KLHL32: variants seen among roughly 807,000 people sequenced by gnomAD.
The protein encoded by KLHL32 is kelch-like protein 32.
In KLHL32, 35 loss-of-function variants were observed where a neutral mutation model predicts 64.8. The observed-to-expected ratio is 0.54, with a 90% CI of 0.41 to 0.72. The LOEUF (loss-of-function observed/expected upper bound fraction) is 0.72, where lower values mean the gene tolerates loss of function less well. Ranked by LOEUF, KLHL32 falls within the 30% of genes least tolerant of loss-of-function variation. The pLI, the probability that KLHL32 is intolerant of heterozygous loss-of-function variation, is 0.00. For missense variants in KLHL32, 589 were observed against 768.5 expected (o/e 0.77, Z 2.76); for synonymous variants, 259 against 281.0 (o/e 0.92, Z 0.78).
At chr6:97,126,152 T>C (rs1439458301) in intron 7 of KLHL32, among the ~76,000 whole-genome samples, 1 of 152,156 alleles carries the variant, frequency 6.6e-6, no homozygotes, top group Non-Finnish European at 1.5e-5. Context: ...TAATTTTATA[T>C]CTTTATTGAA....
intron 6 of KLHL32, among the ~76,000 whole-genome samples, chr6:97,098,017 G>T (rs904102420): frequency 6.6e-6 from 1 of 152,202 alleles, no homozygotes; most frequent in Non-Finnish European, 1.5e-5. Flanking sequence ...CAAACATAGG[G>T]GAGGGGTTGA....
chr6:96,945,480 A>G (rs1156408727), intron 1 of KLHL32, among the ~76,000 whole-genome samples: 1 of 152,232 alleles, frequency 6.6e-6, no homozygotes, highest in African/African-American at 2.4e-5. Flanking sequence ...CGTCAGAGCA[A>G]AAGTTTAATT....
At chr6:96,919,469 ATG>A in the KLHL32 span, among the ~76,000 whole-genome samples, 2 of 152,192 alleles carry the variant, frequency 1.3e-5, no homozygotes. Context: ...ATGTATTCAT[ATG>A]TGTTTCATTT....
At chr6:97,111,329 C>T (rs1180701279) in intron 6 of KLHL32, among the ~76,000 whole-genome samples, 2 of 152,222 alleles carry the variant, frequency 1.3e-5, no homozygotes, top group African/African-American at 4.8e-5. Flanking sequence ...TCTGATGTAT[C>T]CTAGGCAGGC....
At chr6:97,045,127 A>G (rs2128131014) in intron 4 of KLHL32, among the ~76,000 whole-genome samples, 1 of 152,326 alleles carries the variant, frequency 6.6e-6, no homozygotes, top group African/African-American at 2.4e-5. Flanking sequence ...AGAAGAAAAT[A>G]GTAAGTATAA....
chr6:97,053,108 A>C (rs1369375601), intron 4 of KLHL32, among the ~76,000 whole-genome samples: 2 of 152,024 alleles, frequency 1.3e-5, no homozygotes, highest in Non-Finnish European at 2.9e-5. Flanking sequence ...ACACACGCAC[A>C]CACATTCTCT....
At chr6:97,106,053 T>C (rs1476819710) in intron 6 of KLHL32, among the ~76,000 whole-genome samples, 1 of 152,194 alleles carries the variant, frequency 6.6e-6, no homozygotes, top group Non-Finnish European at 1.5e-5. Context: ...TATGGATATA[T>C]ACAAGCAGTT....
intron 7 of KLHL32, among the ~76,000 whole-genome samples, chr6:97,120,194 G>A (rs1032761322): frequency 5.3e-5 from 8 of 152,254 alleles, no homozygotes; most frequent in African/African-American, 1.7e-4. Context: ...TCTTGAACAT[G>A]AGAAGGGAGG....
chr6:96,930,651 G>T (rs981036407), intron 1 of KLHL32, among the ~76,000 whole-genome samples: 3 of 151,820 alleles, frequency 2.0e-5, no homozygotes, highest in African/African-American at 7.3e-5. Flanking sequence ...CTGGTGTGCC[G>T]ACCTTGGAGC....
chr6:96,987,553 A>G (rs1231715628), intron 3 of KLHL32, among the ~76,000 whole-genome samples: 2 of 152,238 alleles, frequency 1.3e-5, no homozygotes, highest in Admixed American at 6.5e-5. Context: ...ATTCAATGCC[A>G]TCCCCATCAA....
chr6:97,064,539 T>A (rs1047640738), intron 4 of KLHL32, 89 bp from the exon 5 acceptor site: 5 of 872,076 alleles, frequency 5.7e-6, no homozygotes, highest in Middle Eastern at 2.9e-4. Context: ...AAGCAGCAAT[T>A]TAAATATACT....
chr6:97,137,407 A>G (rs558162723), intron 10 of KLHL32, among the ~76,000 whole-genome samples: 1 of 152,310 alleles, frequency 6.6e-6, no homozygotes, highest in East Asian at 1.9e-4. Flanking sequence ...AGAGATTGGG[A>G]CATCTAATCT....
intron 1 of KLHL32, among the ~76,000 whole-genome samples, chr6:96,928,263 A>C (rs1388221518): frequency 6.6e-6 from 1 of 152,172 alleles, no homozygotes; most frequent in Admixed American, 6.5e-5. Context: ...ATATTAAATG[A>C]AAATCCTTAT....
intron 3 of KLHL32, among the ~76,000 whole-genome samples, chr6:96,998,127 C>T (rs994638730): frequency 6.6e-6 from 1 of 152,068 alleles, no homozygotes; most frequent in African/African-American, 2.4e-5. Flanking sequence ...CTGTAAACCT[C>T]CAGTATACTT....
chr6:96,989,315 T>G (rs913704357), intron 3 of KLHL32, among the ~76,000 whole-genome samples: 2 of 152,202 alleles, frequency 1.3e-5, no homozygotes, highest in African/African-American at 4.8e-5. Context: ...TCCCTTAGCA[T>G]TTGCTTGTCT....
chr6:97,140,143 T>C lies in KLHL32; in HGVS notation c.*861T>C, dbSNP rs1800525233. On this transcript the variant is annotated 3_prime_UTR_variant, in exon 11 of 11. Transcript: ENST00000369261. ...AAACATGTTGTGGAATAAATGATTC[T>C]AAAAAGCATGTGAAAGAGACACACA... 6.6e-6 allele frequency: 1 copy of C among 152,106 alleles called. No homozygotes were observed. The highest frequency in any genetic ancestry group is 6.5e-5 in the Admixed American group (1 of 15,268). The allele number at this position is 152,106 out of a possible 1,614,324, so 9.4% of individuals were successfully genotyped here. A position where few individuals can be genotyped will look rare whatever the true frequency, so the allele number is the denominator to read the frequency against.
intron 1 of KLHL32, among the ~76,000 whole-genome samples, chr6:96,942,818 A>G (rs939630616): frequency 6.6e-6 from 1 of 152,050 alleles, no homozygotes; most frequent in Admixed American, 6.5e-5. Context: ...TTCTACCTCC[A>G]TCTCTAGTTT....
the KLHL32 span, among the ~76,000 whole-genome samples, chr6:96,912,647 TGAAAA>T: frequency 9.2e-5 from 14 of 152,192 alleles, no homozygotes; most frequent in East Asian, 3.9e-4. Context: ...AAAAACCAAA[TGAAAA>T]GAAAATATGC....
At chr6:97,057,551 C>A (rs981129065) in intron 4 of KLHL32, among the ~76,000 whole-genome samples, 9 of 147,946 alleles carry the variant, frequency 6.1e-5, no homozygotes, top group African/African-American at 2.0e-4. Flanking sequence ...TCTTTTACAC[C>A]CCCCTCCCGC....
Sources: gnomAD v4.1 joint callset for allele counts (sites outside exome capture counted in the v4.1 genomes callset) on GRCh38, gnomAD v4.1.1 for gene constraint, MANE v1.5 for transcripts, NCBI Gene and HGNC (gene_info 2026-07-23, HGNC 2026-07-21) for gene names.